The following GLI3 variants were observed in gnomAD, a reference collection of about 807,000 sequenced individuals.
GLI3 encodes the protein transcription activator GLI3.
In GLI3, 20 loss-of-function variants were observed where a neutral mutation model predicts 100.8. The observed-to-expected ratio is 0.20, with a 90% CI of 0.14 to 0.29. The LOEUF (loss-of-function observed/expected upper bound fraction) is 0.29. Among genes scored for constraint, GLI3 ranks in the 10% least tolerant of loss-of-function variants. GLI3 has a pLI of 1.00. For synonymous variants in GLI3, 938 were observed against 860.5 expected (o/e 1.09, Z -1.58); for missense variants, 2,040 against 2,128.5 (o/e 0.96, Z 0.82).
At chr7:42,189,282 TCAATCAAGAGAGAA>T (rs1259442860) in intron 2 of GLI3, among the ~76,000 whole-genome samples, 2 of 152,150 alleles carry the variant, frequency 1.3e-5, no homozygotes, top group Non-Finnish European at 2.9e-5. Context: ...AGAACAATCA[TCAATCAAGAGAGAA>T]CATGCAACGT....
In GLI3 at chr7:41,962,272, A is replaced by T. The variant is rs1787031630; in HGVS notation, c.*2058T>A. The T allele has an allele frequency of 6.6e-6, 1 of 152,258 alleles. No homozygotes were observed. Among genetic ancestry groups the T allele is most frequent in the Admixed American group, 6.5e-5 (1 of 15,284 alleles). 9.4% of individuals were successfully genotyped at this position (152,258 alleles called of 1,614,324 possible). On this transcript the variant is annotated 3_prime_UTR_variant, in exon 15 of 15. Coordinates refer to ENST00000395925, the MANE Select transcript of GLI3 (RefSeq NM_000168.6). ...CTTTGAAAACAAGAGTTGGAAAGGG[A>T]TTGAACCAAACCATTAGAGCACACA...
intron 4 of GLI3, among the ~76,000 whole-genome samples, chr7:42,068,626 G>T (rs1784723027): frequency 6.6e-6 from 1 of 152,168 alleles, no homozygotes; most frequent in Non-Finnish European, 1.5e-5. Context: ...CCGGGGCAGG[G>T]ATGGGGATGC....
chr7:42,080,197 T>C (rs1784969433), intron 3 of GLI3, among the ~76,000 whole-genome samples: 1 of 152,140 alleles, frequency 6.6e-6, no homozygotes, highest in Admixed American at 6.5e-5. Context: ...AACAATAAAT[T>C]TGAGAGGAAA....
At chr7:42,058,728 G>A (rs1272209844) in intron 4 of GLI3, among the ~76,000 whole-genome samples, 3 of 152,202 alleles carry the variant, frequency 2.0e-5, no homozygotes, top group Non-Finnish European at 4.4e-5. Context: ...TGTTAGTCAT[G>A]TTCTTCCAAC....
Position 42,026,376 on chromosome 7 carries a change from G to A in GLI3, c.1065C>T (p.Val355=), listed in dbSNP as rs766499352. The change falls in exon 8 of 15, where the codon GTC becomes GTT. Residue 355 remains valine (V), a synonymous_variant. Coordinates refer to ENST00000395925, the MANE Select transcript of GLI3 (RefSeq NM_000168.6). ...ALSFTYSSAP[V]SLHMHQQILS... is the part of the protein sequence containing the mutation. ...GGATCTGCTGATGCATGTGGAGAGAGACGGGCGCGGAAGAGTAGGTGAAGC... is the reference window on the plus strand; with the variant it reads ...GGATCTGCTGATGCATGTGGAGAGAAACGGGCGCGGAAGAGTAGGTGAAGC... 3.7e-6 allele frequency: 6 copies of A among 1,614,214 alleles called. No homozygotes were observed. Among genetic ancestry groups the A allele is most frequent in the Non-Finnish European group, 5.1e-6 (6 of 1,180,036 alleles).
chr7:42,212,126 T>G (rs928728762), intron 2 of GLI3, among the ~76,000 whole-genome samples: 2 of 152,196 alleles, frequency 1.3e-5, no homozygotes, highest in African/African-American at 4.8e-5. Flanking sequence ...TATTTTTTCC[T>G]TTCCAGTTGC....
chr7:42,152,901 T>A (rs540774412), intron 2 of GLI3, among the ~76,000 whole-genome samples: 3 of 152,294 alleles, frequency 2.0e-5, no homozygotes, highest in African/African-American at 7.2e-5. Flanking sequence ...TGCCAGAATT[T>A]GCGAGTGCAC....
intron 4 of GLI3, among the ~76,000 whole-genome samples, chr7:42,064,550 G>A (rs777634661): frequency 6.6e-6 from 1 of 152,110 alleles, no homozygotes; most frequent in Admixed American, 6.6e-5. Flanking sequence ...TGAGTTTGCT[G>A]GAATTACACT....
At chr7:42,013,851 C>T (rs117239089) in intron 10 of GLI3, among the ~76,000 whole-genome samples, 2,294 of 152,228 alleles carry the variant, frequency 0.015, 25 homozygotes, top group Middle Eastern at 0.024. Flanking sequence ...ATAGCAGAAT[C>T]TTAGTACCCT....
chr7:42,162,688 A>G (rs2128794286), intron 2 of GLI3, among the ~76,000 whole-genome samples: 1 of 152,320 alleles, frequency 6.6e-6, no homozygotes, highest in Middle Eastern at 3.4e-3. Flanking sequence ...TACTGCCTGT[A>G]GACAAAAATA....
chr7:42,005,627 G>C (rs979397091), intron 10 of GLI3, among the ~76,000 whole-genome samples: 2 of 152,068 alleles, frequency 1.3e-5, no homozygotes, highest in Admixed American at 6.6e-5. Context: ...CCAGGTGCTC[G>C]CCTCCCCAGG....
chr7:42,085,065 C>T (rs1391052026), intron 3 of GLI3, among the ~76,000 whole-genome samples: 1 of 151,812 alleles, frequency 6.6e-6, no homozygotes, highest in South Asian at 2.1e-4. Flanking sequence ...GTGCCCACCA[C>T]CACGCCCGGC....
intron 3 of GLI3, among the ~76,000 whole-genome samples, chr7:42,105,532 G>A (rs899500299): frequency 2.0e-5 from 3 of 152,154 alleles, no homozygotes; most frequent in Non-Finnish European, 4.4e-5. Context: ...ATAGGATGAC[G>A]CCGTGGGGAA....
At chr7:42,232,067 C>T (rs1254689203) in intron 1 of GLI3, among the ~76,000 whole-genome samples, 3 of 152,120 alleles carry the variant, frequency 2.0e-5, no homozygotes, top group Admixed American at 2.0e-4. Context: ...TATAGAAGTA[C>T]ACAATCAAAT....
chr7:41,964,953 G>T lies in GLI3; in HGVS notation c.4120C>A (p.Pro1374Thr). Residue 1374 changes from proline (P) to threonine (T), a missense_variant, in exon 15 of 15, where the codon CCG becomes ACG. Physicochemically the swap from Pro to Thr is conservative, Grantham distance 38 (BLOSUM62 -1). This residue lies in a region of GLI3 where 1,041 missense variants were observed against 924.0 expected (regional missense o/e 1.13). Coordinates refer to ENST00000395925, the MANE Select transcript of GLI3 (RefSeq NM_000168.6). Reference protein sequence around the residue: ...LPGAHGMGSQPSSLAVVRGYQ... With the variant: ...LPGAHGMGSQTSSLAVVRGYQ... ...CCCCTGACAACTGCCAAGCTTGACGGCTGGCTGCCCATGCCGTGAGCCCCT... is the reference window on the plus strand; with the variant it reads ...CCCCTGACAACTGCCAAGCTTGACGTCTGGCTGCCCATGCCGTGAGCCCCT... 3 of 1,613,734 alleles carry T rather than the reference G, an allele frequency of 1.9e-6. No individual in the cohort carries two copies. The highest frequency in any genetic ancestry group is 2.5e-6 in the Non-Finnish European group (3 of 1,180,032).
chr7:42,190,954 A>C (rs1451031491), intron 2 of GLI3, among the ~76,000 whole-genome samples: 2 of 152,122 alleles, frequency 1.3e-5, no homozygotes, highest in Non-Finnish European at 2.9e-5. Context: ...TAATTGATAA[A>C]ATTTAATACT....
In GLI3 at chr7:42,117,908, G is replaced by A. The variant is rs144365304; in HGVS notation, c.367+30318C>T. On this transcript the variant is annotated intron_variant, in intron 3 of 14. Transcript: ENST00000395925. ...AGATGCTGGCCCTTGAGTAGCTGCC[G>A]CTGTCTCCATGGAAGGACGGCACCA... 2.9e-3 allele frequency among the ~76,000 whole-genome samples: 449 copies of A among 152,246 alleles called. 4 individuals are homozygous for A. The highest frequency in any genetic ancestry group is 0.01 in the African/African-American group (425 of 41,536).
chr7:41,999,630 T>C (rs1430265601), intron 10 of GLI3, among the ~76,000 whole-genome samples: 1 of 152,220 alleles, frequency 6.6e-6, no homozygotes, highest in Non-Finnish European at 1.5e-5. Flanking sequence ...CTCTCTCATC[T>C]GTCGCCGATG....
chr7:41,995,523 GT>G (rs1220777976), intron 10 of GLI3, among the ~76,000 whole-genome samples: 2 of 152,036 alleles, frequency 1.3e-5, no homozygotes, highest in African/African-American at 4.8e-5. Context: ...TGCACCATGA[GT>G]TTGTGGCATA....
Sources: allele counts gnomAD v4.1 joint callset (sites outside exome capture counted in the v4.1 genomes callset), GRCh38; gene constraint gnomAD v4.1.1; regional missense constraint gnomAD v4.1.1; transcripts MANE v1.5; gene names NCBI Gene and HGNC (gene_info 2026-07-23, HGNC 2026-07-21).